The following CNTNAP2 variants were observed in gnomAD, a reference collection of about 807,000 sequenced individuals.
The protein encoded by CNTNAP2 is contactin associated protein 2.
In CNTNAP2, 98 loss-of-function variants were observed where a neutral mutation model predicts 155.2. That is an observed-to-expected ratio of 0.63 (90% confidence interval 0.54 to 0.75). The LOEUF (loss-of-function observed/expected upper bound fraction) is 0.75. Ranked by LOEUF, CNTNAP2 falls within the 30% of genes least tolerant of loss-of-function variation. The probability of loss-of-function intolerance (pLI) is 0.00; values close to 1 mark genes in which losing one functional copy is unlikely to be tolerated. For missense variants in CNTNAP2, 1,727 were observed against 1,688.1 expected, an observed-to-expected ratio of 1.02 and a Z score of -0.40; for synonymous variants, 651 against 631.2, an observed-to-expected ratio of 1.03 and a Z score of -0.47.
chr7:147,744,971 TAGA>T (rs1170624915), intron 13 of CNTNAP2, among the ~76,000 whole-genome samples: 1 of 151,952 alleles, frequency 6.6e-6, no homozygotes, highest in Non-Finnish European at 1.5e-5. Flanking sequence ...ACCAGAAAAA[TAGA>T]AGATCAAGGG....
chr7:146,505,827 G>A (rs548021332), intron 1 of CNTNAP2, among the ~76,000 whole-genome samples: 1 of 152,312 alleles, frequency 6.6e-6, no homozygotes, highest in Non-Finnish European at 1.5e-5. Context: ...GGGGTCAGTG[G>A]CACAGTGTAG....
In CNTNAP2 at chr7:147,317,134, C is replaced by T. The variant is rs562241819; in HGVS notation, c.1498+16844C>T. Among the ~76,000 whole-genome samples, 3 of 152,280 alleles carry T rather than the reference C, an allele frequency of 2.0e-5. No individual in the cohort carries two copies. In the East Asian group the frequency reaches 5.8e-4, roughly 29 times the overall value. On this transcript the variant is annotated intron_variant, in intron 9 of 23. Coordinates refer to ENST00000361727, the MANE Select transcript of CNTNAP2 (RefSeq NM_014141.6). ...CATAAATGATTTTATAATCCATCTG[C>T]CTCTCAGCTGTTTCACTGCCACTGT...
At chr7:147,667,811 T>TA (rs569635867) in intron 13 of CNTNAP2, among the ~76,000 whole-genome samples, 41 of 138,238 alleles carry the variant, frequency 3.0e-4, no homozygotes, top group East Asian at 7.9e-4. Context: ...AAAAAAATAA[T>TA]AAAAAAAATA....
chr7:146,406,763 T>C (rs141141607), intron 1 of CNTNAP2, among the ~76,000 whole-genome samples: 4 of 152,254 alleles, frequency 2.6e-5, no homozygotes, highest in African/African-American at 9.6e-5. Context: ...GAGTAAGGTA[T>C]CTGAAAAACC....
chr7:146,405,040 T>G (rs1795770854), intron 1 of CNTNAP2, among the ~76,000 whole-genome samples: 2 of 152,244 alleles, frequency 1.3e-5, no homozygotes, highest in South Asian at 4.1e-4. Flanking sequence ...TGATCAAATT[T>G]TAGCCAGCAG....
chr7:147,119,393 G>A (rs910081001), intron 5 of CNTNAP2, among the ~76,000 whole-genome samples: 2 of 152,150 alleles, frequency 1.3e-5, no homozygotes, highest in African/African-American at 4.8e-5. Context: ...AACAGCCAGG[G>A]AGAAATATCC....
At chr7:146,632,074 G>A (rs183558359) in intron 1 of CNTNAP2, among the ~76,000 whole-genome samples, 1 of 152,286 alleles carries the variant, frequency 6.6e-6, no homozygotes, top group East Asian at 1.9e-4. Context: ...CTGGGCTTTG[G>A]TCTCACAGGA....
At chr7:147,197,642 G>A (rs1802833464) in intron 8 of CNTNAP2, among the ~76,000 whole-genome samples, 1 of 152,178 alleles carries the variant, frequency 6.6e-6, no homozygotes, top group Non-Finnish European at 1.5e-5. Context: ...TCAGAAGATG[G>A]AGAATATCCA....
At chr7:146,244,591 A>G (rs569814037) in intron 1 of CNTNAP2, among the ~76,000 whole-genome samples, 11 of 152,274 alleles carry the variant, frequency 7.2e-5, no homozygotes, top group Admixed American at 7.2e-4. Flanking sequence ...GTGTGTTTTT[A>G]AAAGACCTTT....
At chr7:146,159,540 A>T (rs1480285863) in intron 1 of CNTNAP2, among the ~76,000 whole-genome samples, 1 of 152,162 alleles carries the variant, frequency 6.6e-6, no homozygotes, top group African/African-American at 2.4e-5. Flanking sequence ...AAAGGGATGG[A>T]GGAAGATCTA....
intron 11 of CNTNAP2, among the ~76,000 whole-genome samples, chr7:147,527,810 G>A (rs1799354173): frequency 6.6e-6 from 1 of 152,202 alleles, no homozygotes; most frequent in African/African-American, 2.4e-5. Flanking sequence ...CAGATTCTGA[G>A]ATTAAGACCC....
At chr7:148,305,222 C>CAAAAAA (rs34005083) in intron 21 of CNTNAP2, among the ~76,000 whole-genome samples, 14 of 51,942 alleles carry the variant, frequency 2.7e-4, no homozygotes, top group African/African-American at 9.9e-4. Context: ...GGCCCTGTCT[C>CAAAAAA]AAAAAAAAAA....
intron 1 of CNTNAP2, among the ~76,000 whole-genome samples, chr7:146,432,879 CTAA>C (rs1418079786): frequency 2.6e-5 from 4 of 152,160 alleles, no homozygotes; most frequent in Non-Finnish European, 5.9e-5. Context: ...CTTTGGAGCA[CTAA>C]TGAGTTGTAA....
At chr7:147,328,856 C>A (rs774334330) in intron 9 of CNTNAP2, among the ~76,000 whole-genome samples, 2 of 152,052 alleles carry the variant, frequency 1.3e-5, no homozygotes, top group African/African-American at 2.4e-5. Flanking sequence ...GACACAGTAA[C>A]TTTACCATGA....
chr7:148,043,365 A>G (rs1802712463), intron 15 of CNTNAP2, among the ~76,000 whole-genome samples: 1 of 152,174 alleles, frequency 6.6e-6, no homozygotes, highest in Admixed American at 6.5e-5. Flanking sequence ...AAGCAAATAC[A>G]TATTCTTGAT....
At chr7:147,794,388 T>G (rs1797860879) in intron 13 of CNTNAP2, among the ~76,000 whole-genome samples, 3 of 151,978 alleles carry the variant, frequency 2.0e-5, no homozygotes, top group Non-Finnish European at 4.4e-5. Flanking sequence ...GTCAAATGCT[T>G]TTTCTGTATT....
intron 1 of CNTNAP2, among the ~76,000 whole-genome samples, chr7:146,266,463 A>G (rs1267501632): frequency 6.6e-6 from 1 of 152,166 alleles, no homozygotes; most frequent in Non-Finnish European, 1.5e-5. Flanking sequence ...AGTACAGTAG[A>G]TAAGGCATGG....
chr7:146,781,890 G>A (rs1802497282), intron 2 of CNTNAP2, among the ~76,000 whole-genome samples: 1 of 152,064 alleles, frequency 6.6e-6, no homozygotes, highest in African/African-American at 2.4e-5. Context: ...CGTCCATGAG[G>A]GCATTGTCTG....
intron 1 of CNTNAP2, among the ~76,000 whole-genome samples, chr7:146,340,288 T>TG (rs11423356): frequency 0.025 from 2,865 of 115,318 alleles, 107 homozygotes; most frequent in African/African-American, 0.13. Flanking sequence ...TTGTTGTTGT[T>TG]TTTTTTTTTT....
Sources: allele counts gnomAD v4.1 joint callset (sites outside exome capture counted in the v4.1 genomes callset), GRCh38; gene constraint gnomAD v4.1.1; transcripts MANE v1.5; gene names NCBI Gene and HGNC (gene_info 2026-07-23, HGNC 2026-07-21).